Variants in ZC3H12B observed in about 807,000 individuals in gnomAD.
The protein encoded by ZC3H12B is zinc finger CCCH-type containing 12B, also known as probable ribonuclease ZC3H12B.
Under a neutral mutation model 43.9 loss-of-function variants are expected in ZC3H12B, and 7 were observed. That is an observed-to-expected ratio of 0.16 (90% CI 0.09 to 0.30). The LOEUF (loss-of-function observed/expected upper bound fraction) is 0.30. Among genes scored for constraint, ZC3H12B ranks in the 10% least tolerant of loss-of-function variants. The probability of loss-of-function intolerance (pLI) is 1.00; values close to 1 mark genes in which losing one functional copy is unlikely to be tolerated. For synonymous variants in ZC3H12B, 222 were observed against 241.7 expected (o/e 0.92, Z 0.76); for missense variants, 475 against 670.2 (o/e 0.71, Z 3.22).
upstream of ZC3H12B, among the ~76,000 whole-genome samples, chrX:65,485,991 G>A (rs1249110473): frequency 9.0e-6 from 1 of 111,625 alleles, no homozygotes; most frequent in Non-Finnish European, 1.9e-5. Context: ...TGCATAGTTG[G>A]CACTAAATAA....
At chrX:65,128,547 T>A in the ZC3H12B span, among the ~76,000 whole-genome samples, 4 of 112,104 alleles carry the variant, frequency 3.6e-5, no homozygotes, top group Non-Finnish European at 5.6e-5. Flanking sequence ...AGTGGATTAT[T>A]CTAAATAAAT....
the ZC3H12B span, among the ~76,000 whole-genome samples, chrX:65,291,823 A>G: frequency 8.9e-6 from 1 of 112,433 alleles, no homozygotes; most frequent in Non-Finnish European, 1.9e-5. Context: ...TTTAAACAAC[A>G]GATGGAGAAA....
the ZC3H12B span, among the ~76,000 whole-genome samples, chrX:65,140,099 T>C: frequency 3.6e-5 from 4 of 111,313 alleles, no homozygotes; most frequent in African/African-American, 1.3e-4. Context: ...TCTTGCTTAA[T>C]TGCTCTGACA....
chrX:65,444,648 G>T (rs1370270305), intron 3 of ZC3H12B, among the ~76,000 whole-genome samples: 2 of 111,844 alleles, frequency 1.8e-5, no homozygotes, highest in Non-Finnish European at 3.8e-5. Context: ...GGTAGAGTGG[G>T]GTGTTACTGA....
chrX:65,115,662 C>T, the ZC3H12B span, among the ~76,000 whole-genome samples: 1 of 111,750 alleles, frequency 8.9e-6, no homozygotes, highest in African/African-American at 3.3e-5. Context: ...TACCAGTTTA[C>T]ATTCCCACCT....
At chrX:65,165,952 C>T in the ZC3H12B span, among the ~76,000 whole-genome samples, 58 of 112,282 alleles carry the variant, frequency 5.2e-4, no homozygotes, top group African/African-American at 1.8e-3. Flanking sequence ...TTCTTACCAG[C>T]ATCTGCTATT....
At chrX:65,035,427 T>C in the ZC3H12B span, among the ~76,000 whole-genome samples, 1 of 112,354 alleles carries the variant, frequency 8.9e-6, no homozygotes, top group African/African-American at 3.2e-5. Context: ...GTTTTCCTTC[T>C]CATAGCCACC....
the ZC3H12B span, among the ~76,000 whole-genome samples, chrX:65,273,245 A>T: frequency 1.8e-5 from 2 of 112,235 alleles, no homozygotes; most frequent in Non-Finnish European, 3.8e-5. Context: ...TGTAGCAAAC[A>T]GTTCCAAAGT....
chrX:65,141,274 T>A, the ZC3H12B span, among the ~76,000 whole-genome samples: 1 of 110,477 alleles, frequency 9.1e-6, no homozygotes, highest in Non-Finnish European at 1.9e-5. Flanking sequence ...CTCAAGATTT[T>A]AAAAAAATTC....
At chrX:65,154,499 A>G in the ZC3H12B span, among the ~76,000 whole-genome samples, 1 of 112,032 alleles carries the variant, frequency 8.9e-6, no homozygotes, top group Non-Finnish European at 1.9e-5. Context: ...TTCTACATGG[A>G]CATTTATCTC....
At chrX:65,161,360 G>T in the ZC3H12B span, among the ~76,000 whole-genome samples, 1 of 110,935 alleles carries the variant, frequency 9.0e-6, no homozygotes, top group African/African-American at 3.3e-5. Flanking sequence ...TTGACAGTGG[G>T]GTGTTAAAAT....
the ZC3H12B span, among the ~76,000 whole-genome samples, chrX:65,204,909 T>A: frequency 8.9e-6 from 1 of 112,246 alleles, no homozygotes; most frequent in Non-Finnish European, 1.9e-5. Context: ...GCAGCTTTTA[T>A]ATGAAAGCTT....
the ZC3H12B span, among the ~76,000 whole-genome samples, chrX:65,083,521 A>G: frequency 8.9e-6 from 1 of 111,926 alleles, no homozygotes; most frequent in South Asian, 3.7e-4. Flanking sequence ...AGCCACACAT[A>G]AAATTAAACA....
At chrX:65,392,094 T>A (rs1245802505) in intron 2 of ZC3H12B, among the ~76,000 whole-genome samples, 1 of 111,210 alleles carries the variant, frequency 9.0e-6, no homozygotes. Context: ...TGGAGTGCAG[T>A]GGCATGATCT....
chrX:65,495,302 A>T (rs2068263101), intron 1 of ZC3H12B, among the ~76,000 whole-genome samples: 1 of 112,265 alleles, frequency 8.9e-6, no homozygotes, highest in South Asian at 3.6e-4. Context: ...CATTTAATAA[A>T]TTTTTGCAAT....
the ZC3H12B span, among the ~76,000 whole-genome samples, chrX:65,140,609 G>A: frequency 8.1e-5 from 9 of 111,407 alleles, no homozygotes; most frequent in South Asian, 1.1e-3. Context: ...TTGGTATTAC[G>A]TCTTCAATTT....
the ZC3H12B span, among the ~76,000 whole-genome samples, chrX:65,196,761 C>T: frequency 1.8e-5 from 2 of 111,481 alleles, no homozygotes; most frequent in Admixed American, 1.9e-4. Flanking sequence ...TGCCATATCA[C>T]CTCCTCTTCC....
At chrX:65,395,846 C>A (rs2066689726) in intron 2 of ZC3H12B, among the ~76,000 whole-genome samples, 2 of 111,755 alleles carry the variant, frequency 1.8e-5, no homozygotes, top group African/African-American at 3.2e-5. Flanking sequence ...AGGCTGTTAA[C>A]TATTGCCTCA....
At chrX:65,269,174 A>T in the ZC3H12B span, among the ~76,000 whole-genome samples, 1 of 110,151 alleles carries the variant, frequency 9.1e-6, no homozygotes, top group South Asian at 3.9e-4. Context: ...GTGAAACCCC[A>T]TCTCTACTAA....
Sources: allele counts gnomAD v4.1 joint callset (sites outside exome capture counted in the v4.1 genomes callset), GRCh38; gene constraint gnomAD v4.1.1; transcripts MANE v1.5; gene names NCBI Gene and HGNC (gene_info 2026-07-23, HGNC 2026-07-21).